Variants in DERA observed in about 807,000 individuals in gnomAD.
DERA encodes the protein deoxyribose-phosphate aldolase.
DERA carries 15 observed loss-of-function variants against 41.1 expected under a neutral mutation model. That is an observed-to-expected ratio of 0.37 (90% CI 0.24 to 0.56). The LOEUF is 0.56. DERA is among the 20% of genes least tolerant of loss of function. The pLI, the probability that DERA is intolerant of heterozygous loss-of-function variation, is 0.81. For missense variants in DERA, 396 were observed against 403.4 expected, an observed-to-expected ratio of 0.98 and a Z score of 0.16; for synonymous variants, 139 against 137.4, an observed-to-expected ratio of 1.01 and a Z score of -0.08.
intron 6 of DERA, among the ~76,000 whole-genome samples, chr12:16,024,656 C>G (rs1381447251): frequency 6.6e-6 from 1 of 152,142 alleles, no homozygotes; most frequent in Non-Finnish European, 1.5e-5. Context: ...TATTTTAGCT[C>G]TGTCAGCTGT....
At chr12:15,979,089 A>G (rs575722330) in intron 5 of DERA, among the ~76,000 whole-genome samples, 2 of 152,326 alleles carry the variant, frequency 1.3e-5, no homozygotes, top group Non-Finnish European at 1.5e-5. Context: ...ACAATACTAT[A>G]CTTCTTCAGT....
rs1312744173 is a variant in DERA at position 15,984,871 on chromosome 12, T to C, written c.637+2435T>C. Among the ~76,000 whole-genome samples, 2 of 152,222 alleles carry C rather than the reference T, an allele frequency of 1.3e-5. No homozygotes were observed. Among genetic ancestry groups the C allele is most frequent in the African/African-American group, 2.4e-5 (1 of 41,456 alleles). On this transcript the variant is annotated intron_variant, in intron 6 of 8. Transcript: ENST00000428559. The surrounding 1 kb of genome is among the most constrained non-coding windows in gnomAD (Gnocchi z 4.5). ...TTTTGAAATATTTTTTATATTCTTG[T>C]CCCAATTTTATATGTAACTTGCACA...
Position 15,941,673 on chromosome 12 carries a change from G to A in DERA, c.32-15263G>A, listed in dbSNP as rs1243768902. Among the ~76,000 whole-genome samples the A allele has an allele frequency of 6.6e-6, 1 of 152,118 alleles. No homozygotes were observed. The highest frequency in any genetic ancestry group is 2.4e-5 in the African/African-American group (1 of 41,416). ...ACTTCACTTAGAACTGTGGCCTCCAGCTCCACCCAAGTTGCTGCAAAAGAC... is the reference window on the plus strand; with the variant it reads ...ACTTCACTTAGAACTGTGGCCTCCAACTCCACCCAAGTTGCTGCAAAAGAC... On this transcript the variant is annotated intron_variant, in intron 1 of 8. Coordinates refer to ENST00000428559, the MANE Select transcript of DERA (RefSeq NM_015954.4). The surrounding 1 kb of genome is among the most constrained non-coding windows in gnomAD (Gnocchi z 4.5).
chr12:15,982,226 GGGTTCCAC>G lies in DERA; in HGVS notation c.509-81_509-74del. On this transcript the variant is annotated intron_variant, in intron 5 of 8. Coordinates refer to ENST00000428559, the MANE Select transcript of DERA (RefSeq NM_015954.4). The surrounding 1 kb of genome is among the most constrained non-coding windows in gnomAD (Gnocchi z 4.0). Reference sequence around the variant, plus strand: ...GTTTTATGTTTCCTAAATGTGAAATGGGTTCCACCAGCTCTAAACGGCTGCCAAGTTAT... The same window carrying G: ...GTTTTATGTTTCCTAAATGTGAAATGCAGCTCTAAACGGCTGCCAAGTTAT... The G allele has an allele frequency of 7.4e-7, 1 of 1,347,654 alleles. No homozygotes were observed. The highest frequency in any genetic ancestry group is 2.5e-5 in the Admixed American group (1 of 39,624). 83.5% of individuals were successfully genotyped at this position (1,347,654 alleles called of 1,614,324 possible). A position where few individuals can be genotyped will look rare whatever the true frequency, so the allele number is the denominator to read the frequency against.
intron 1 of DERA, among the ~76,000 whole-genome samples, chr12:15,945,585 A>C (rs1257381041): frequency 1.3e-5 from 2 of 152,184 alleles, no homozygotes; most frequent in African/African-American, 2.4e-5. Context: ...TTGTATCCTG[A>C]GACTTTGCTG....
chr12:16,033,786 TA>T (rs1949109683), intron 7 of DERA, among the ~76,000 whole-genome samples: 1 of 152,156 alleles, frequency 6.6e-6, no homozygotes, highest in Admixed American at 6.6e-5. Context: ...ACCTTTTTTT[TA>T]ATATACTGTT....
Position 16,001,414 on chromosome 12 carries a change from A to G in DERA, c.637+18978A>G, listed in dbSNP as rs2136173232. On this transcript the variant is annotated intron_variant, in intron 6 of 8. Coordinates refer to ENST00000428559, the MANE Select transcript of DERA (RefSeq NM_015954.4). This position sits in a 1 kb window ranked among gnomAD's most constrained non-coding sequence, Gnocchi z 4.1. ...GTTGTTCCTTCAGGGCTAGAGTGGA[A>G]AAGTTCAGTGTTTTATTCGAGACAA... Among the ~76,000 whole-genome samples, 1 of 152,326 alleles carries G rather than the reference A, an allele frequency of 6.6e-6. No homozygotes were observed. The highest frequency in any genetic ancestry group is 6.5e-5 in the Admixed American group (1 of 15,304).
In DERA at chr12:15,981,297, G is replaced by T. The variant is rs1948731122; in HGVS notation, c.509-1011G>T. Among the ~76,000 whole-genome samples the T allele has an allele frequency of 6.6e-6, 1 of 152,104 alleles. No individual in the cohort carries two copies. Among genetic ancestry groups the T allele is most frequent in the South Asian group, 2.1e-4 (1 of 4,830 alleles). On this transcript the variant is annotated intron_variant, in intron 5 of 8. Coordinates refer to ENST00000428559, the MANE Select transcript of DERA (RefSeq NM_015954.4). This position sits in a 1 kb window ranked among gnomAD's most constrained non-coding sequence, Gnocchi z 6.1. ...CCAGAGGCGGAGGTTGCAGTGAGCT[G>T]AGATCACGCCACTGCACTCCAGCCT...
chr12:15,969,385 T>C (rs1948644947), intron 5 of DERA, among the ~76,000 whole-genome samples: 1 of 152,236 alleles, frequency 6.6e-6, no homozygotes, highest in South Asian at 2.1e-4. Context: ...GCTGAGGACC[T>C]GGAGCTGGCT....
At position 15,994,520 on chromosome 12, in the gene DERA, C is replaced by T. The variant is rs939685695; in HGVS notation, c.637+12084C>T. 6.6e-6 allele frequency among the ~76,000 whole-genome samples: 1 copy of T among 152,194 alleles called. No homozygotes were observed. The highest frequency in any genetic ancestry group is 2.4e-5 in the African/African-American group (1 of 41,446). On this transcript the variant is annotated intron_variant, in intron 6 of 8. Coordinates refer to ENST00000428559, the MANE Select transcript of DERA (RefSeq NM_015954.4). The surrounding 1 kb of genome is among the most constrained non-coding windows in gnomAD (Gnocchi z 4.8). The stretch of plus-strand genomic sequence containing the variant: ...CCAGGCTGGAGTGCAGTGGCGCGAT[C>T]TCTGCTCACTGCAAGCTCTGCCTCC...
In DERA at chr12:16,036,426, T is replaced by C; in HGVS notation, c.900+45T>C. The C allele has an allele frequency of 6.5e-7, 1 of 1,549,114 alleles. No individual in the cohort carries two copies. The highest frequency in any genetic ancestry group is 8.7e-7 in the Non-Finnish European group (1 of 1,149,788). The stretch of plus-strand genomic sequence containing the variant: ...TTTGGAATAAATTAACAAGTGTTTT[T>C]TGAGAAAGGAATTGAAAAGTCAAAT... On this transcript the variant is annotated intron_variant, in intron 8 of 8. Transcript: ENST00000428559. The surrounding 1 kb of genome is among the most constrained non-coding windows in gnomAD (Gnocchi z 4.9).
chr12:15,956,204 C>T (rs1397387065), intron 1 of DERA, among the ~76,000 whole-genome samples: 2 of 152,154 alleles, frequency 1.3e-5, no homozygotes, highest in African/African-American at 2.4e-5. Flanking sequence ...GGGGAGCTGA[C>T]AGTGTTTTCA....
chr12:15,923,128 T>C (rs1415200917), intron 1 of DERA, among the ~76,000 whole-genome samples: 1 of 143,660 alleles, frequency 7.0e-6, no homozygotes, highest in Non-Finnish European at 1.5e-5. Context: ...GTTCACGCCA[T>C]TCTCCTGCCT....
In DERA at chr12:15,911,516, C is replaced by G. The variant is rs1948163499; in HGVS notation, c.31+102C>G. 2.5e-6 allele frequency: 3 copies of G among 1,214,322 alleles called. No individual in the cohort carries two copies. The highest frequency in any genetic ancestry group is 2.6e-5 in the East Asian group (1 of 38,108). The allele number at this position is 1,214,322 out of a possible 1,614,324, so 75.2% of individuals were successfully genotyped here. A position where few individuals can be genotyped will look rare whatever the true frequency, so the allele number is the denominator to read the frequency against. ...GCCCAGTGCCCTGGCTGTGGGTCCC[C>G]GAGGGGTTTTCGCTGGGGCGGGAAG... On this transcript the variant is annotated intron_variant, in intron 1 of 8. Coordinates refer to ENST00000428559, the MANE Select transcript of DERA (RefSeq NM_015954.4). The surrounding 1 kb of genome is among the most constrained non-coding windows in gnomAD (Gnocchi z 4.5).
Position 15,994,477 on chromosome 12 carries a change from G to C in DERA, c.637+12041G>C, listed in dbSNP as rs1034606326. Among the ~76,000 whole-genome samples the C allele has an allele frequency of 2.1e-4, 32 of 152,138 alleles. No individual in the cohort carries two copies. The South Asian group carries it at 5.4e-3, about 26-fold the overall frequency. ...ATTAGAAAATTCTTTTTTTTGAGAC[G>C]GAGTCTCGTTCTGTCGCCCAGGCTG... is the stretch of plus-strand genomic sequence containing the variant. On this transcript the variant is annotated intron_variant, in intron 6 of 8. Transcript: ENST00000428559. The surrounding 1 kb of genome is among the most constrained non-coding windows in gnomAD (Gnocchi z 4.8).
At chr12:15,963,268 T>C (rs1385796373) in intron 5 of DERA, among the ~76,000 whole-genome samples, 2 of 152,226 alleles carry the variant, frequency 1.3e-5, no homozygotes, top group Non-Finnish European at 2.9e-5. Context: ...GTTACTACTA[T>C]TCTATACTGT....
Position 15,982,188 on chromosome 12 carries a change from G to C in DERA, c.509-120G>C. The C allele has an allele frequency of 9.9e-7, 1 of 1,014,724 alleles. No homozygotes were observed. The highest frequency in any genetic ancestry group is 1.4e-6 in the Non-Finnish European group (1 of 709,190). The allele number at this position is 1,014,724 out of a possible 1,614,324, so 62.9% of individuals were successfully genotyped here. On this transcript the variant is annotated intron_variant, in intron 5 of 8. Coordinates refer to ENST00000428559, the MANE Select transcript of DERA (RefSeq NM_015954.4). This position sits in a 1 kb window ranked among gnomAD's most constrained non-coding sequence, Gnocchi z 4.0. ...CAATGTTAAATTGGGGTGATTTTTA[G>C]AAAGTGACAAATGTTTTATGTTTCC... is the stretch of plus-strand genomic sequence containing the variant.
At position 16,020,578 on chromosome 12, in the gene DERA, C is replaced by T. The variant is rs527359669; in HGVS notation, c.638-11964C>T. On this transcript the variant is annotated intron_variant, in intron 6 of 8. Transcript: ENST00000428559. The surrounding 1 kb of genome is among the most constrained non-coding windows in gnomAD (Gnocchi z 5.5). ...ATAAAGATAGCTGAAAATGTGGGAG[C>T]AGCTTTGGAACTGGGTAATGGAGAG... Among the ~76,000 whole-genome samples the T allele has an allele frequency of 2.6e-5, 4 of 152,228 alleles. No homozygotes were observed. In the South Asian group the frequency reaches 6.2e-4, roughly 24 times the overall value.
rs117242583 is a variant in DERA, at chr12:15,950,407, C to G, written c.32-6529C>G. Among the ~76,000 whole-genome samples, 151 of 152,308 alleles carry G rather than the reference C, an allele frequency of 9.9e-4. 2 individuals are homozygous for G. In the East Asian group the frequency reaches 0.027, roughly 27 times the overall value. ...AGTGAGGAGGACCAGAGGTCACTCTCATAGCCATTTTGGTTTTGGTGGGTT... is the reference window on the plus strand; with the variant it reads ...AGTGAGGAGGACCAGAGGTCACTCTGATAGCCATTTTGGTTTTGGTGGGTT... On this transcript the variant is annotated intron_variant, in intron 1 of 8. Transcript: ENST00000428559.
Sources: gnomAD v4.1 joint callset for allele counts (sites outside exome capture counted in the v4.1 genomes callset) on GRCh38, gnomAD v4.1.1 for gene constraint, Gnocchi (gnomAD v3.1) non-coding constraint, MANE v1.5 for transcripts, NCBI Gene and HGNC (gene_info 2026-07-23, HGNC 2026-07-21) for gene names.